PTPRD: variants seen among roughly 807,000 people sequenced by gnomAD.
PTPRD encodes receptor-type tyrosine-protein phosphatase delta.
A neutral mutation model predicts 214.5 loss-of-function variants in PTPRD; 34 were observed. That is an observed-to-expected ratio of 0.16 (90% confidence interval 0.12 to 0.21). PTPRD has a LOEUF of 0.21. PTPRD is among the 10% of genes least tolerant of loss of function. The pLI is 1.00. For synonymous variants in PTPRD, 1,128 were observed against 845.7 expected, an observed-to-expected ratio of 1.33 and a Z score of -5.79; for missense variants, 2,545 against 2,398.7, an observed-to-expected ratio of 1.06 and a Z score of -1.27.
intron 3 of PTPRD, among the ~76,000 whole-genome samples, chr9:10,340,734 G>C (rs2096923190): frequency 6.6e-6 from 1 of 151,828 alleles, no homozygotes; most frequent in African/African-American, 2.4e-5. Context: ...CATCTCATGA[G>C]CAATACTGTC....
At chr9:8,384,493 G>C (rs775794607) in intron 37 of PTPRD, among the ~76,000 whole-genome samples, 3 of 152,106 alleles carry the variant, frequency 2.0e-5, no homozygotes, top group Non-Finnish European at 4.4e-5. Flanking sequence ...CAGAACTCAT[G>C]CTTTCCCTTC....
At chr9:10,103,354 G>A (rs2098583495) in intron 3 of PTPRD, among the ~76,000 whole-genome samples, 1 of 112,636 alleles carries the variant, frequency 8.9e-6, no homozygotes, top group African/African-American at 3.5e-5. Context: ...TTGCCATTGA[G>A]TTATGACATT....
intron 10 of PTPRD, among the ~76,000 whole-genome samples, chr9:9,031,114 G>A (rs1288745652): frequency 3.3e-5 from 5 of 151,970 alleles, no homozygotes; most frequent in South Asian, 4.1e-4. Context: ...AGAATTGAAT[G>A]TGGAACTCAA....
chr9:9,635,619 C>G (rs1032445677), intron 7 of PTPRD, among the ~76,000 whole-genome samples: 1 of 152,152 alleles, frequency 6.6e-6, no homozygotes, highest in African/African-American at 2.4e-5. Context: ...CTCCTGTAAC[C>G]TGTCAGCCTT....
chr9:9,777,994 C>T (rs991339243), intron 5 of PTPRD, among the ~76,000 whole-genome samples: 1 of 152,160 alleles, frequency 6.6e-6, no homozygotes, highest in Non-Finnish European at 1.5e-5. Context: ...ATAGGACTAG[C>T]ACTAGCTGTG....
At chr9:9,519,336 A>T (rs1269101018) in intron 8 of PTPRD, among the ~76,000 whole-genome samples, 1 of 134,294 alleles carries the variant, frequency 7.4e-6, no homozygotes, top group Admixed American at 8.2e-5. Context: ...GAAGAAAGAC[A>T]ATGAAAATAA....
intron 6 of PTPRD, among the ~76,000 whole-genome samples, chr9:9,737,043 C>T (rs1185818830): frequency 1.3e-5 from 2 of 152,018 alleles, no homozygotes; most frequent in African/African-American, 2.4e-5. Context: ...GTTATGATTA[C>T]TTTGCCTTTC....
At chr9:9,934,843 A>C (rs2088525834) in intron 5 of PTPRD, among the ~76,000 whole-genome samples, 1 of 152,064 alleles carries the variant, frequency 6.6e-6, no homozygotes, top group Non-Finnish European at 1.5e-5. Flanking sequence ...TACTGGCAAA[A>C]CGAATCCAGC....
intron 10 of PTPRD, among the ~76,000 whole-genome samples, chr9:9,131,469 C>G (rs1350141890): frequency 2.6e-5 from 4 of 152,044 alleles, no homozygotes; most frequent in Admixed American, 6.6e-5. Flanking sequence ...TCCCATGGAA[C>G]AGATTGTAGC....
chr9:8,721,388 C>T (rs1174326385), intron 12 of PTPRD, among the ~76,000 whole-genome samples: 1 of 149,896 alleles, frequency 6.7e-6, no homozygotes, highest in Admixed American at 6.6e-5. Flanking sequence ...CGAGATCACA[C>T]CACTGCACTC....
chr9:9,457,172 T>G (rs572098889), intron 8 of PTPRD, among the ~76,000 whole-genome samples: 5 of 151,998 alleles, frequency 3.3e-5, no homozygotes, highest in African/African-American at 1.2e-4. Context: ...AACAGTACAA[T>G]TGGTACTTAT....
intron 8 of PTPRD, among the ~76,000 whole-genome samples, chr9:9,462,163 TAG>T (rs1465964880): frequency 2.0e-5 from 3 of 152,034 alleles, no homozygotes; most frequent in African/African-American, 7.2e-5. Flanking sequence ...TATGAGTGAG[TAG>T]ACTTTCAATA....
intron 10 of PTPRD, among the ~76,000 whole-genome samples, chr9:9,067,188 C>T (rs2099736025): frequency 6.6e-6 from 1 of 152,188 alleles, no homozygotes; most frequent in Non-Finnish European, 1.5e-5. Context: ...CTAGATAGCA[C>T]CATTGCACTC....
intron 7 of PTPRD, among the ~76,000 whole-genome samples, chr9:9,682,057 A>G (rs2097084810): frequency 6.6e-6 from 1 of 151,790 alleles, no homozygotes; most frequent in African/African-American, 2.4e-5. Flanking sequence ...TAAACTGCCA[A>G]CTACATAATT....
rs369015536 is a variant in PTPRD, at chr9:10,136,767, T to C, written c.-544-102977A>G. On this transcript the variant is annotated intron_variant, in intron 3 of 45. Transcript: ENST00000381196. Reference sequence around the variant, plus strand: ...CTACCATCAGAGTGAACAGGCAACCTACAACATGGGAGAAAATTTTCGCAA... The same window carrying C: ...CTACCATCAGAGTGAACAGGCAACCCACAACATGGGAGAAAATTTTCGCAA... Among the ~76,000 whole-genome samples the C allele has an allele frequency of 7.1e-5, 5 of 69,948 alleles. No individual in the cohort carries two copies. In the Admixed American group the frequency reaches 8.9e-4, roughly 12 times the overall value. 45.9% of individuals were successfully genotyped at this position (69,948 alleles called of 152,430 possible).
chr9:8,862,835 C>T (rs1014967836), intron 11 of PTPRD, among the ~76,000 whole-genome samples: 2 of 151,888 alleles, frequency 1.3e-5, no homozygotes, highest in Admixed American at 6.6e-5. Context: ...AAGCAAACAC[C>T]GCATATTCTC....
intron 3 of PTPRD, among the ~76,000 whole-genome samples, chr9:10,186,087 A>AT (rs368759966): frequency 0.18 from 26,101 of 148,438 alleles, 2,806 homozygotes; most frequent in East Asian, 0.57. Context: ...AATAAACAAT[A>AT]TTTTTTTTTT....
At chr9:9,904,007 C>A (rs188207278) in intron 5 of PTPRD, among the ~76,000 whole-genome samples, 1 of 152,198 alleles carries the variant, frequency 6.6e-6, no homozygotes, top group Non-Finnish European at 1.5e-5. Flanking sequence ...TTGGGATCAT[C>A]AGCAAACCAG....
chr9:9,714,377 A>T (rs946261021), intron 7 of PTPRD, among the ~76,000 whole-genome samples: 3 of 152,228 alleles, frequency 2.0e-5, no homozygotes, highest in African/African-American at 7.2e-5. Flanking sequence ...TTCTGTCCAT[A>T]GCCATATCAT....
Sources: gnomAD v4.1 joint callset for allele counts (sites outside exome capture counted in the v4.1 genomes callset) on GRCh38, gnomAD v4.1.1 for gene constraint, MANE v1.5 for transcripts, NCBI Gene and HGNC (gene_info 2026-07-23, HGNC 2026-07-21) for gene names.